Variants in ACSM3 observed in about 807,000 individuals in gnomAD.
The protein encoded by ACSM3 is acyl-coenzyme A synthetase ACSM3, mitochondrial.
In ACSM3, 61 loss-of-function variants were observed where a neutral mutation model predicts 74.1. The ratio of observed to expected loss-of-function variants is 0.82; its 90% CI spans 0.67 to 1.02. The LOEUF (loss-of-function observed/expected upper bound fraction) is 1.02, where lower values mean the gene tolerates loss of function less well. ACSM3 is among the 50% of genes least tolerant of loss of function. The pLI is 0.00. For synonymous variants in ACSM3, 213 were observed against 241.5 expected (o/e 0.88, Z 1.09); for missense variants, 660 against 697.0 (o/e 0.95, Z 0.60).
At chr16:20,737,590 TTAATA>T (rs750011246) in intron 1 of ACSM3, 56 of 1,045,898 alleles carry the variant, frequency 5.4e-5, no homozygotes, top group Non-Finnish European at 7.1e-5. Context: ...TAAGAACATT[TTAATA>T]TATTTGTTCT....
At chr16:20,793,927 C>T (rs17747187) in intron 12 of ACSM3, among the ~76,000 whole-genome samples, 11,604 of 152,198 alleles carry the variant, frequency 0.076, 582 homozygotes, top group Non-Finnish European at 0.12. Context: ...GATATCCTAG[C>T]GTACAATATA....
chr16:20,746,234 T>C (rs886770136), intron 1 of ACSM3, among the ~76,000 whole-genome samples: 1 of 152,214 alleles, frequency 6.6e-6, no homozygotes, highest in African/African-American at 2.4e-5. Flanking sequence ...TCAGTCAACA[T>C]GTGCTTAAAA....
chr16:20,741,958 G>A (rs1288308956), intron 1 of ACSM3: 4 of 1,530,448 alleles, frequency 2.6e-6, no homozygotes, highest in Non-Finnish European at 3.5e-6. Context: ...CCCGCCTCCC[G>A]ACTGCAACCT....
intron 1 of ACSM3, among the ~76,000 whole-genome samples, chr16:20,683,904 C>CAG (rs1282710142): frequency 6.6e-6 from 1 of 152,088 alleles, no homozygotes; most frequent in Non-Finnish European, 1.5e-5. Flanking sequence ...TATAGGTCTA[C>CAG]AGATGACATG....
At chr16:20,677,444 T>C (rs1322814710) in intron 1 of ACSM3, among the ~76,000 whole-genome samples, 1 of 152,196 alleles carries the variant, frequency 6.6e-6, no homozygotes, top group East Asian at 1.9e-4. Flanking sequence ...TAGCTGCCAC[T>C]GCCCTACTGG....
At chr16:20,767,166 T>C (rs1465047172) in intron 1 of ACSM3, among the ~76,000 whole-genome samples, 3 of 152,138 alleles carry the variant, frequency 2.0e-5, no homozygotes, top group Admixed American at 1.3e-4. Flanking sequence ...GGAAACCTGA[T>C]GCTAATTCTG....
At chr16:20,788,702 T>C (rs952710894) in intron 9 of ACSM3, among the ~76,000 whole-genome samples, 4 of 152,200 alleles carry the variant, frequency 2.6e-5, no homozygotes, top group African/African-American at 9.6e-5. Flanking sequence ...TTTAAGACCC[T>C]ATGAACAATG....
intron 1 of ACSM3, among the ~76,000 whole-genome samples, chr16:20,701,804 G>C (rs923587428): frequency 3.3e-5 from 5 of 152,148 alleles, no homozygotes; most frequent in Admixed American, 3.3e-4. Context: ...TTGGTTTTCT[G>C]TTCCTGTGTT....
intron 1 of ACSM3, among the ~76,000 whole-genome samples, chr16:20,710,716 T>A (rs112929969): frequency 2.6e-5 from 4 of 152,096 alleles, no homozygotes; most frequent in Non-Finnish European, 5.9e-5. Context: ...TTGGAGACCA[T>A]TGGTTTAGAG....
chr16:20,721,715 G>C (rs2079786206), intron 1 of ACSM3: 2 of 152,168 alleles, frequency 1.3e-5, no homozygotes, highest in Admixed American at 1.3e-4. Context: ...TGGAGGACAG[G>C]AGGAATCATG....
At chr16:20,689,994 T>A (rs1338087819) in intron 1 of ACSM3, among the ~76,000 whole-genome samples, 1 of 152,156 alleles carries the variant, frequency 6.6e-6, no homozygotes, top group Non-Finnish European at 1.5e-5. Flanking sequence ...ACAGTACACA[T>A]CTAATTAGAT....
intron 1 of ACSM3, chr16:20,737,027 A>G (rs1339745468): frequency 6.2e-7 from 1 of 1,613,852 alleles, no homozygotes; most frequent in Admixed American, 1.7e-5. Flanking sequence ...CCTGCTGGTT[A>G]TTTTTTCCTT....
chr16:20,739,693 C>T (rs148908826), intron 1 of ACSM3, among the ~76,000 whole-genome samples: 11 of 151,866 alleles, frequency 7.2e-5, no homozygotes, highest in Non-Finnish European at 1.0e-4. Context: ...TGGTGGCAGA[C>T]GCCTGTAATC....
intron 1 of ACSM3, among the ~76,000 whole-genome samples, chr16:20,730,881 A>T (rs2152407133): frequency 6.6e-6 from 1 of 152,242 alleles, no homozygotes; most frequent in East Asian, 1.9e-4. Flanking sequence ...TTTGAGATGG[A>T]GACTTGCTGT....
At chr16:20,774,521 A>G (rs886170202) in intron 2 of ACSM3, among the ~76,000 whole-genome samples, 8 of 152,210 alleles carry the variant, frequency 5.3e-5, no homozygotes, top group South Asian at 2.1e-4. Context: ...GATTACAGGC[A>G]TGAGCCACTG....
At chr16:20,727,548 G>T (rs1047811570) in intron 1 of ACSM3, 5 of 281,724 alleles carry the variant, frequency 1.8e-5, no homozygotes, top group South Asian at 3.5e-5. Flanking sequence ...CCCCTGAAGT[G>T]CCTCCATCCC....
At chr16:20,711,054 C>T (rs1410810419) in intron 1 of ACSM3, among the ~76,000 whole-genome samples, 1 of 151,852 alleles carries the variant, frequency 6.6e-6, no homozygotes, top group African/African-American at 2.4e-5. Flanking sequence ...CCACTGCACT[C>T]CAGCCTGGGT....
chr16:20,692,953 GAGGTC>G (rs928009885), intron 1 of ACSM3, among the ~76,000 whole-genome samples: 8 of 152,040 alleles, frequency 5.3e-5, no homozygotes, highest in Non-Finnish European at 8.8e-5. Flanking sequence ...GGTGGATCAT[GAGGTC>G]AGGAGTTTGA....
At chr16:20,749,944 A>G (rs2079977104) in exon 2 of ACSM3, 1 of 152,310 alleles carries the variant, frequency 6.6e-6, no homozygotes. Flanking sequence ...GGACAACCCA[A>G]CTGCCCACCA....
Sources: allele counts gnomAD v4.1 joint callset (sites outside exome capture counted in the v4.1 genomes callset), GRCh38; gene constraint gnomAD v4.1.1; transcripts MANE v1.5; gene names NCBI Gene and HGNC (gene_info 2026-07-23, HGNC 2026-07-21).